The following SRBD1 variants were observed in gnomAD, a reference collection of about 807,000 sequenced individuals.
SRBD1 encodes S1 RNA binding domain 1.
SRBD1 carries 88 observed loss-of-function variants against 115.3 expected under a neutral mutation model. The ratio of observed to expected loss-of-function variants is 0.76; its 90% CI spans 0.64 to 0.91. The LOEUF is 0.91. SRBD1 is among the 40% of genes least tolerant of loss of function. SRBD1 has a pLI of 0.00. For missense variants in SRBD1, 1,385 were observed against 1,177.4 expected, an observed-to-expected ratio of 1.18 and a Z score of -2.58; for synonymous variants, 509 against 407.7, an observed-to-expected ratio of 1.25 and a Z score of -2.99.
At chr2:45,468,274 C>T (rs1669549551) in intron 16 of SRBD1, among the ~76,000 whole-genome samples, 1 of 152,080 alleles carries the variant, frequency 6.6e-6, no homozygotes, top group Admixed American at 6.6e-5. Context: ...GAGTCATTTT[C>T]ACTGCTCTAT....
intron 16 of SRBD1, among the ~76,000 whole-genome samples, chr2:45,443,655 T>A (rs1041758053): frequency 6.6e-6 from 1 of 152,044 alleles, no homozygotes; most frequent in African/African-American, 2.4e-5. Flanking sequence ...ATCTAAAACT[T>A]TGGCAGACAG....
At chr2:45,487,102 C>T (rs1428345603) in intron 15 of SRBD1, among the ~76,000 whole-genome samples, 1 of 152,132 alleles carries the variant, frequency 6.6e-6, no homozygotes, top group African/African-American at 2.4e-5. Flanking sequence ...TAAAGGGAAA[C>T]TACAAGCTCT....
At chr2:45,502,510 G>A (rs1670665130) in intron 14 of SRBD1, among the ~76,000 whole-genome samples, 1 of 152,114 alleles carries the variant, frequency 6.6e-6, no homozygotes, top group Non-Finnish European at 1.5e-5. Flanking sequence ...CATAAAAAAG[G>A]ACCAGTTCAT....
chr2:45,451,613 T>C (rs1029413014), intron 16 of SRBD1, among the ~76,000 whole-genome samples: 4 of 151,626 alleles, frequency 2.6e-5, no homozygotes, highest in African/African-American at 9.7e-5. Flanking sequence ...GCAAAAAGAT[T>C]AATCAGAAAA....
chr2:45,448,301 T>C (rs1668888664), intron 16 of SRBD1, among the ~76,000 whole-genome samples: 1 of 152,138 alleles, frequency 6.6e-6, no homozygotes, highest in South Asian at 2.1e-4. Flanking sequence ...TACAGAATTA[T>C]TAGAACTAGA....
intron 9 of SRBD1, among the ~76,000 whole-genome samples, chr2:45,563,205 T>G (rs918149323): frequency 1.3e-5 from 2 of 152,160 alleles, no homozygotes; most frequent in African/African-American, 2.4e-5. Flanking sequence ...TCTAAGCACT[T>G]TAAATATATT....
chr2:45,480,990 C>T (rs1175681478), intron 15 of SRBD1, among the ~76,000 whole-genome samples: 1 of 152,118 alleles, frequency 6.6e-6, no homozygotes, highest in African/African-American at 2.4e-5. Context: ...AAACTGCCAC[C>T]ACATCTCAGC....
At chr2:45,426,167 G>C (rs1031805942) in intron 16 of SRBD1, among the ~76,000 whole-genome samples, 1 of 152,154 alleles carries the variant, frequency 6.6e-6, no homozygotes, top group Non-Finnish European at 1.5e-5. Context: ...GGTGGGGGGA[G>C]AGGCACCCAT....
At chr2:45,470,297 CCTTTGAGGTTTTA>C (rs1669607216) in intron 16 of SRBD1, among the ~76,000 whole-genome samples, 1 of 152,058 alleles carries the variant, frequency 6.6e-6, no homozygotes, top group Non-Finnish European at 1.5e-5. Context: ...CAAATTCCCA[CCTTTGAGGTTTTA>C]CTGTGAAAAA....
chr2:45,545,456 T>C (rs896492529), intron 14 of SRBD1, among the ~76,000 whole-genome samples: 1 of 152,134 alleles, frequency 6.6e-6, no homozygotes, highest in South Asian at 2.1e-4. Flanking sequence ...ATATTTTTTA[T>C]GATTTGAAAG....
chr2:45,428,555 A>AAAATAAATAAATAAATAAATAAATAAAT (rs986693164), intron 16 of SRBD1, among the ~76,000 whole-genome samples: 1 of 150,370 alleles, frequency 6.7e-6, no homozygotes, highest in African/African-American at 2.5e-5. Context: ...CCGTCTCAAA[A>AAAATAAATAAATAAATAAATAAATAAAT]AAATAAATAA....
At position 45,576,137 on chromosome 2, in the gene SRBD1, CCTTT is replaced by C. The variant is rs1424705320; in HGVS notation, c.1073-1418_1073-1415del. Among the ~76,000 whole-genome samples the C allele has an allele frequency of 4.0e-5, 6 of 151,628 alleles. No individual in the cohort carries two copies. The East Asian group carries it at 5.8e-4, about 15-fold the overall frequency. ...AACAACTCCTCCTCCTCCTCCTCCT[CCTTT>C]TTCTCGTCAGCCTATTCAATGTGAT... On this transcript the variant is annotated intron_variant, in intron 7 of 20. Transcript: ENST00000263736.
chr2:45,416,734 C>G (rs1667843419), intron 18 of SRBD1, among the ~76,000 whole-genome samples: 1 of 152,036 alleles, frequency 6.6e-6, no homozygotes, highest in Non-Finnish European at 1.5e-5. Flanking sequence ...GCATCTTTTA[C>G]TTTTTGTTCT....
At chr2:45,399,176 T>A (rs1667227536) in intron 19 of SRBD1, among the ~76,000 whole-genome samples, 1 of 152,114 alleles carries the variant, frequency 6.6e-6, no homozygotes, top group East Asian at 1.9e-4. Context: ...GCCCAAATGA[T>A]AAAGATTTGC....
chr2:45,423,352 T>C (rs1218720546), intron 16 of SRBD1, among the ~76,000 whole-genome samples: 1 of 152,202 alleles, frequency 6.6e-6, no homozygotes, highest in South Asian at 2.1e-4. Flanking sequence ...ATTTATTTTA[T>C]ATGGTTTAAA....
At chr2:45,609,578 G>T (rs35316747) in intron 1 of SRBD1, among the ~76,000 whole-genome samples, 7,764 of 152,252 alleles carry the variant, frequency 0.051, 253 homozygotes, top group Middle Eastern at 0.11. Context: ...GGCCCTGTCG[G>T]ACTGAGCCCT....
chr2:45,396,985 T>A (rs1667164798), intron 19 of SRBD1, among the ~76,000 whole-genome samples: 1 of 152,136 alleles, frequency 6.6e-6, no homozygotes, highest in Admixed American at 6.5e-5. Flanking sequence ...GCAAAGTACA[T>A]CTAATAGTCT....
intron 14 of SRBD1, among the ~76,000 whole-genome samples, chr2:45,494,074 TG>T (rs1670383265): frequency 6.8e-6 from 1 of 147,868 alleles, no homozygotes; most frequent in African/African-American, 2.5e-5. Flanking sequence ...TGAAACAAAG[TG>T]GAAAAAAATG....
chr2:45,414,719 T>C (rs549297957), intron 18 of SRBD1, among the ~76,000 whole-genome samples: 42 of 81,578 alleles, frequency 5.1e-4, no homozygotes, highest in East Asian at 3.5e-3. Context: ...AGTATGTATA[T>C]ACACACACAC....
Sources: gnomAD v4.1 joint callset for allele counts (sites outside exome capture counted in the v4.1 genomes callset) on GRCh38, gnomAD v4.1.1 for gene constraint, MANE v1.5 for transcripts, NCBI Gene and HGNC (gene_info 2026-07-23, HGNC 2026-07-21) for gene names.